NALF1: variants seen among roughly 807,000 people sequenced by gnomAD.
NALF1 encodes the protein family with sequence similarity 155 member A.
Under a neutral mutation model 48.4 loss-of-function variants are expected in NALF1, and 3 were observed. The ratio of observed to expected loss-of-function variants is 0.06; its 90% CI spans 0.03 to 0.16. The LOEUF is 0.16. Ranked by LOEUF, NALF1 falls within the 10% of genes least tolerant of loss-of-function variation. The probability of loss-of-function intolerance (pLI) is 1.00; values close to 1 mark genes in which losing one functional copy is unlikely to be tolerated. For synonymous variants in NALF1, 262 were observed against 245.7 expected, an observed-to-expected ratio of 1.07 and a Z score of -0.62; for missense variants, 526 against 571.5, an observed-to-expected ratio of 0.92 and a Z score of 0.81.
chr13:107,577,579 C>A (rs1283595764), intron 1 of NALF1, among the ~76,000 whole-genome samples: 1 of 152,176 alleles, frequency 6.6e-6, no homozygotes. Context: ...TACATATTAA[C>A]CCTCACTGAA....
chr13:107,378,596 T>C (rs1175292471), intron 1 of NALF1, among the ~76,000 whole-genome samples: 1 of 152,178 alleles, frequency 6.6e-6, no homozygotes, highest in African/African-American at 2.4e-5. Flanking sequence ...TAGCCATAAA[T>C]ACTATGAGAT....
At chr13:107,623,170 G>A (rs892030614) in intron 1 of NALF1, among the ~76,000 whole-genome samples, 6 of 152,054 alleles carry the variant, frequency 3.9e-5, no homozygotes, top group African/African-American at 1.4e-4. Flanking sequence ...CATACACATA[G>A]TCAACTCTAT....
At position 107,619,903 on chromosome 13, in the gene NALF1, T is replaced by C. The variant is rs1022530916; in HGVS notation, c.915+245779A>G. Among the ~76,000 whole-genome samples the C allele has an allele frequency of 3.3e-5, 5 of 152,168 alleles. No individual in the cohort carries two copies. In the East Asian group the frequency reaches 9.7e-4, roughly 29 times the overall value. ...TTTCCAGAAAAGGCCAATATAAAAA[T>C]TTTAGAAACTTGAATGTGTGGGCAT... On this transcript the variant is annotated intron_variant, in intron 1 of 2. Coordinates refer to ENST00000375915, the MANE Select transcript of NALF1 (RefSeq NM_001080396.3).
At chr13:107,622,390 G>A (rs1009687083) in intron 1 of NALF1, among the ~76,000 whole-genome samples, 4 of 151,528 alleles carry the variant, frequency 2.6e-5, no homozygotes, top group East Asian at 1.9e-4. Context: ...GCAGTGAGCC[G>A]AGATCGCACC....
At chr13:107,337,372 A>G (rs1882580872) in intron 1 of NALF1, among the ~76,000 whole-genome samples, 1 of 152,338 alleles carries the variant, frequency 6.6e-6, no homozygotes, top group South Asian at 2.1e-4. Flanking sequence ...CAAATATAAC[A>G]TTTTTAAACA....
At position 107,221,074 on chromosome 13, in the gene NALF1, T is replaced by G. The variant is rs752483580; in HGVS notation, c.916-10319A>C. Among the ~76,000 whole-genome samples the G allele has an allele frequency of 5.3e-5, 8 of 152,090 alleles. No individual in the cohort carries two copies. The East Asian group carries it at 1.4e-3, about 26-fold the overall frequency. On this transcript the variant is annotated intron_variant, in intron 1 of 2. Transcript: ENST00000375915. ...TCTCATTTATAAGTGGGAGCTAACC[T>G]ATGGGGTATGCAAAGGTACACAGGG...
At chr13:107,853,112 A>G (rs1880359031) in intron 1 of NALF1, among the ~76,000 whole-genome samples, 1 of 152,240 alleles carries the variant, frequency 6.6e-6, no homozygotes, top group Non-Finnish European at 1.5e-5. Context: ...ATGGAAAAAA[A>G]GGAAATTGTT....
chr13:107,209,915 G>C (rs986970445), intron 2 of NALF1, among the ~76,000 whole-genome samples: 5 of 152,116 alleles, frequency 3.3e-5, no homozygotes, highest in Admixed American at 2.6e-4. Context: ...TTAAAAAAAG[G>C]CTCTTGCTCT....
chr13:107,200,963 A>C (rs967080462), intron 2 of NALF1, among the ~76,000 whole-genome samples: 7 of 152,154 alleles, frequency 4.6e-5, no homozygotes, highest in African/African-American at 1.7e-4. Flanking sequence ...CTGCGGGGCC[A>C]GGGGGACCGA....
intron 1 of NALF1, among the ~76,000 whole-genome samples, chr13:107,731,026 G>A (rs2138535700): frequency 6.6e-6 from 1 of 152,332 alleles, no homozygotes; most frequent in South Asian, 2.1e-4. Flanking sequence ...TACAGAAGAT[G>A]TTGAGTGAGC....
rs1020929904 is a variant in NALF1 at position 107,768,671 on chromosome 13, A to G, written c.915+97011T>C. On this transcript the variant is annotated intron_variant, in intron 1 of 2. Transcript: ENST00000375915. ...CGCAAGTAAGGGCATACAAAGTAAT[A>G]CTACCAATAACATTAATAATGAACA... is the stretch of plus-strand genomic sequence containing the variant. Among the ~76,000 whole-genome samples the G allele has an allele frequency of 1.2e-4, 18 of 152,230 alleles. 1 individual carries two copies. Among genetic ancestry groups the G allele is most frequent in the Non-Finnish European group, 1.9e-4 (13 of 68,044 alleles).
At chr13:107,348,212 A>G (rs535355504) in intron 1 of NALF1, among the ~76,000 whole-genome samples, 192 of 152,356 alleles carry the variant, frequency 1.3e-3, no homozygotes, top group Non-Finnish European at 2.0e-3. Context: ...AGGCATTTTC[A>G]GAAGAAAATT....
chr13:107,211,932 A>T (rs1319214434), intron 1 of NALF1, among the ~76,000 whole-genome samples: 2 of 152,212 alleles, frequency 1.3e-5, no homozygotes, highest in Non-Finnish European at 2.9e-5. Flanking sequence ...AACAGGAATA[A>T]TATTAAGTAA....
At chr13:107,610,900 GA>G (rs1879207433) in intron 1 of NALF1, among the ~76,000 whole-genome samples, 1 of 152,160 alleles carries the variant, frequency 6.6e-6, no homozygotes. Context: ...TGTTGAGAAT[GA>G]CATTGGCACT....
chr13:107,580,877 G>C (rs1047333083), intron 1 of NALF1, among the ~76,000 whole-genome samples: 9 of 152,128 alleles, frequency 5.9e-5, no homozygotes, highest in Non-Finnish European at 8.8e-5. Flanking sequence ...GAGTCAAAGA[G>C]AAAGAGCCAA....
intron 1 of NALF1, among the ~76,000 whole-genome samples, chr13:107,324,166 T>C (rs1420189976): frequency 6.6e-6 from 1 of 152,168 alleles, no homozygotes; most frequent in African/African-American, 2.4e-5. Context: ...CTTTAGAGTG[T>C]TTTCATTTGT....
chr13:107,329,951 T>C (rs1406059601), intron 1 of NALF1, among the ~76,000 whole-genome samples: 2 of 152,136 alleles, frequency 1.3e-5, no homozygotes, highest in Non-Finnish European at 2.9e-5. Context: ...CCTGCTTTCA[T>C]TTCAGGTCAT....
chr13:107,815,893 G>T (rs1879148588), intron 1 of NALF1, among the ~76,000 whole-genome samples: 1 of 152,138 alleles, frequency 6.6e-6, no homozygotes, highest in Admixed American at 6.5e-5. Context: ...CACACATACT[G>T]TATCATCCAA....
chr13:107,536,047 C>T (rs1427843540), intron 1 of NALF1, among the ~76,000 whole-genome samples: 1 of 152,078 alleles, frequency 6.6e-6, no homozygotes, highest in African/African-American at 2.4e-5. Context: ...AAACTGGATC[C>T]CTACCTTACA....
Sources: gnomAD v4.1 joint callset for allele counts (sites outside exome capture counted in the v4.1 genomes callset) on GRCh38, gnomAD v4.1.1 for gene constraint, MANE v1.5 for transcripts, NCBI Gene and HGNC (gene_info 2026-07-23, HGNC 2026-07-21) for gene names.